The following ROR2 variants were observed in gnomAD, a reference collection of about 807,000 sequenced individuals.
ROR2 encodes tyrosine-protein kinase transmembrane receptor ROR2.
ROR2 carries 33 observed loss-of-function variants against 74.9 expected under a neutral mutation model. The ratio of observed to expected loss-of-function variants is 0.44; its 90% confidence interval spans 0.33 to 0.59. The LOEUF is 0.59. Among genes scored for constraint, ROR2 ranks in the 20% least tolerant of loss-of-function variants. ROR2 has a pLI of 0.02. For missense variants in ROR2, 1,216 were observed against 1,313.8 expected, an observed-to-expected ratio of 0.93 and a Z score of 1.15; for synonymous variants, 586 against 558.7, an observed-to-expected ratio of 1.05 and a Z score of -0.69.
intron 1 of ROR2, among the ~76,000 whole-genome samples, chr9:91,781,673 T>G (rs1826623518): frequency 6.6e-6 from 1 of 152,154 alleles, no homozygotes; most frequent in Non-Finnish European, 1.5e-5. Context: ...GTCTTAACAG[T>G]CTGTAATTTT....
At chr9:91,944,452 C>T (rs146875215) in intron 1 of ROR2, among the ~76,000 whole-genome samples, 421 of 152,238 alleles carry the variant, frequency 2.8e-3, no homozygotes, top group African/African-American at 9.6e-3. Context: ...GTAGATGATA[C>T]GACTTTACAT....
chr9:91,842,907 T>C (rs1328628567), intron 1 of ROR2, among the ~76,000 whole-genome samples: 1 of 152,252 alleles, frequency 6.6e-6, no homozygotes, highest in Non-Finnish European at 1.5e-5. Flanking sequence ...TCCCCCTCTC[T>C]CGAGCAGAGG....
chr9:91,949,810 C>G (rs941212026), intron 1 of ROR2, 57 bp downstream of exon 1: 6 of 1,136,334 alleles, frequency 5.3e-6, no homozygotes, highest in Non-Finnish European at 6.4e-6. Context: ...GGCGGAAGGG[C>G]TGGCCAAGCG....
chr9:91,942,761 G>A (rs1257272260), intron 1 of ROR2, among the ~76,000 whole-genome samples: 2 of 152,112 alleles, frequency 1.3e-5, no homozygotes, highest in East Asian at 1.9e-4. Flanking sequence ...TGAAAATGGC[G>A]ATAGAAGTCA....
chr9:91,825,257 C>A (rs922739721), intron 1 of ROR2, among the ~76,000 whole-genome samples: 4 of 152,178 alleles, frequency 2.6e-5, no homozygotes, highest in African/African-American at 9.7e-5. Context: ...GAGCCACACC[C>A]CACTTGGGAG....
At chr9:91,897,072 C>T (rs4599877) in intron 1 of ROR2, among the ~76,000 whole-genome samples, 2 of 152,222 alleles carry the variant, frequency 1.3e-5, no homozygotes, top group Non-Finnish European at 2.9e-5. Context: ...GCACTGGCAG[C>T]TGGATGCACA....
At chr9:91,771,712 C>CT (rs1826232466) in intron 2 of ROR2, among the ~76,000 whole-genome samples, 3 of 146,430 alleles carry the variant, frequency 2.0e-5, no homozygotes, top group Admixed American at 7.0e-5. Flanking sequence ...CTCTCTCTCT[C>CT]CTCTCTCTCT....
At chr9:91,828,999 C>T (rs1360340234) in intron 1 of ROR2, among the ~76,000 whole-genome samples, 3 of 152,214 alleles carry the variant, frequency 2.0e-5, no homozygotes, top group Non-Finnish European at 4.4e-5. Context: ...CATCATCTCC[C>T]TATTTTAAAT....
intron 1 of ROR2, among the ~76,000 whole-genome samples, chr9:91,949,229 G>A (rs939211848): frequency 2.0e-5 from 3 of 151,872 alleles, no homozygotes; most frequent in Non-Finnish European, 4.4e-5. Flanking sequence ...ACCCCAGAGC[G>A]GTGGGGGAGA....
intron 1 of ROR2, among the ~76,000 whole-genome samples, chr9:91,898,863 C>T (rs1830601871): frequency 6.6e-6 from 1 of 152,230 alleles, no homozygotes; most frequent in Non-Finnish European, 1.5e-5. Flanking sequence ...TGACCAGGTG[C>T]TTTCCACGCT....
chr9:91,794,628 C>A (rs1827110717), intron 1 of ROR2, among the ~76,000 whole-genome samples: 1 of 151,968 alleles, frequency 6.6e-6, no homozygotes, highest in South Asian at 2.1e-4. Context: ...TCACCCAGGC[C>A]CAGGCTGGAG....
In ROR2 at chr9:91,949,956, C is replaced by T. The variant is rs1832129797; in HGVS notation, c.8G>A (p.Arg3Gln). The change falls in exon 1 of 9, where the codon CGG becomes CAG. Residue 3 changes from arginine (R) to glutamine (Q), a missense_variant. Physicochemically the swap from Arg to Gln is conservative, Grantham distance 43 (BLOSUM62 1). Transcript: ENST00000375708. Reference sequence around the variant, plus strand: ...CGGCCGCCGCGGGAGCGCCGAGCCCCGGGCCATGCCGCAGGCAGTGGGGGC... The same window carrying T: ...CGGCCGCCGCGGGAGCGCCGAGCCCTGGGCCATGCCGCAGGCAGTGGGGGC... The part of the protein sequence containing the change: MA[R>Q]GSALPRRPLL... The T allele has an allele frequency of 6.8e-7, 1 of 1,477,972 alleles. No homozygotes were observed. The highest frequency in any genetic ancestry group is 8.9e-7 in the Non-Finnish European group (1 of 1,121,348). 91.6% of individuals were successfully genotyped at this position (1,477,972 alleles called of 1,614,324 possible). A position where few individuals can be genotyped will look rare whatever the true frequency, so the allele number is the denominator to read the frequency against.
chr9:91,849,371 G>A (rs75022282), intron 1 of ROR2, among the ~76,000 whole-genome samples: 390 of 152,308 alleles, frequency 2.6e-3, no homozygotes, highest in Non-Finnish European at 4.0e-3. Flanking sequence ...CTTGACTGGC[G>A]AAAACGCAAT....
intron 1 of ROR2, among the ~76,000 whole-genome samples, chr9:91,875,788 C>A (rs1480174050): frequency 6.6e-6 from 1 of 152,168 alleles, no homozygotes; most frequent in East Asian, 1.9e-4. Flanking sequence ...AGCACACGGA[C>A]GATCTTTGCA....
chr9:91,892,545 A>G (rs910108484), intron 1 of ROR2, among the ~76,000 whole-genome samples: 7 of 128,856 alleles, frequency 5.4e-5, no homozygotes, highest in Non-Finnish European at 8.7e-5. Flanking sequence ...TTTTTTTTTT[A>G]TTTTACCTCA....
In ROR2 at chr9:91,937,105, C is replaced by T. The variant is rs557732100; in HGVS notation, c.97+12762G>A. On this transcript the variant is annotated intron_variant, in intron 1 of 8. Coordinates refer to ENST00000375708, the MANE Select transcript of ROR2 (RefSeq NM_004560.4). ...TCAAGAAAATTATGATTTTCTGCAG[C>T]CAGTAACACAAGCTAAAGTATTTTT... Among the ~76,000 whole-genome samples, 312 of 151,200 alleles carry T rather than the reference C, an allele frequency of 2.1e-3. 1 individual carries two copies. Among genetic ancestry groups the T allele is most frequent in the African/African-American group, 6.3e-3 (259 of 41,074 alleles).
chr9:91,833,278 C>T lies in ROR2; in HGVS notation c.98-57460G>A, dbSNP rs1017898420. Among the ~76,000 whole-genome samples, 18 of 152,276 alleles carry T rather than the reference C, an allele frequency of 1.2e-4. 2 individuals carry two copies. Among genetic ancestry groups the T allele is most frequent in the South Asian group, 1.0e-3 (5 of 4,824 alleles). ...GCCGGATGCTCCCGACGCATCCACG[C>T]TGGGCTCCAGCGTCCTGCTCTGCAC... On this transcript the variant is annotated intron_variant, in intron 1 of 8. Coordinates refer to ENST00000375708, the MANE Select transcript of ROR2 (RefSeq NM_004560.4).
intron 1 of ROR2, among the ~76,000 whole-genome samples, chr9:91,813,512 G>A (rs1205630387): frequency 6.6e-6 from 1 of 152,288 alleles, no homozygotes; most frequent in Non-Finnish European, 1.5e-5. Flanking sequence ...AGAAACTGGC[G>A]AGGGCAAAGT....
chr9:91,737,143 G>A (rs1825058036), intron 5 of ROR2, among the ~76,000 whole-genome samples: 2 of 152,248 alleles, frequency 1.3e-5, no homozygotes, highest in Non-Finnish European at 2.9e-5. Flanking sequence ...TGAGTTAAAA[G>A]TGCAGAAGTA....
Sources: gnomAD v4.1 joint callset for allele counts (sites outside exome capture counted in the v4.1 genomes callset) on GRCh38, gnomAD v4.1.1 for gene constraint, MANE v1.5 for transcripts, NCBI Gene and HGNC (gene_info 2026-07-23, HGNC 2026-07-21) for gene names.